Variants in KCNH8 observed in about 807,000 individuals in gnomAD.
The protein encoded by KCNH8 is voltage-gated delayed rectifier potassium channel KCNH8.
In KCNH8, 70 loss-of-function variants were observed where a neutral mutation model predicts 103.6. The ratio of observed to expected loss-of-function variants is 0.68; its 90% CI spans 0.56 to 0.82. The LOEUF (loss-of-function observed/expected upper bound fraction) is 0.82. Among genes scored for constraint, KCNH8 ranks in the 40% least tolerant of loss-of-function variants. The probability of loss-of-function intolerance (pLI) is 0.00; values close to 1 mark genes in which losing one functional copy is unlikely to be tolerated. For missense variants in KCNH8, 1,217 were observed against 1,329.9 expected (o/e 0.92, Z 1.32); for synonymous variants, 498 against 489.4 (o/e 1.02, Z -0.23).
intron 1 of KCNH8, among the ~76,000 whole-genome samples, chr3:19,180,246 CAA>C: frequency 1.3e-4 from 1 of 7,634 alleles, no homozygotes; most frequent in African/African-American, 3.8e-4. Flanking sequence ...TTCAAAGGGC[CAA>C]GACAGACTTG....
At chr3:19,363,899 G>T (rs1356735446) in intron 5 of KCNH8, among the ~76,000 whole-genome samples, 1 of 152,070 alleles carries the variant, frequency 6.6e-6, no homozygotes, top group African/African-American at 2.4e-5. Flanking sequence ...TAAAATTAAA[G>T]ATACTGACTT....
At chr3:19,385,556 A>G (rs753775437) in intron 5 of KCNH8, among the ~76,000 whole-genome samples, 4 of 152,088 alleles carry the variant, frequency 2.6e-5, no homozygotes, top group African/African-American at 7.2e-5. Flanking sequence ...TGCTCTTTCT[A>G]TTCCATTAAT....
At chr3:19,239,905 G>A (rs1278922661) in intron 1 of KCNH8, among the ~76,000 whole-genome samples, 1 of 152,104 alleles carries the variant, frequency 6.6e-6, no homozygotes, top group Admixed American at 6.5e-5. Context: ...AGGGAACGGA[G>A]CAGGGAAGCC....
intron 6 of KCNH8, 149 bp from the exon 7 acceptor site, chr3:19,394,955 A>G (rs2066492552): frequency 1.6e-6 from 1 of 636,444 alleles, no homozygotes; most frequent in Non-Finnish European, 2.8e-6. Flanking sequence ...ACTTTCTGAT[A>G]TAATATGTCA....
chr3:19,510,865 T>C (rs2125241090), intron 12 of KCNH8, among the ~76,000 whole-genome samples: 1 of 152,322 alleles, frequency 6.6e-6, no homozygotes, highest in East Asian at 1.9e-4. Flanking sequence ...TTGTTAAGAT[T>C]ATTAGCTGGA....
intron 11 of KCNH8, among the ~76,000 whole-genome samples, chr3:19,477,454 T>C (rs1440986041): frequency 2.6e-5 from 4 of 151,560 alleles, no homozygotes; most frequent in Non-Finnish European, 4.4e-5. Flanking sequence ...AATTTCTATG[T>C]GAGAATTCCG....
chr3:19,369,011 T>A (rs2066050750), intron 5 of KCNH8, among the ~76,000 whole-genome samples: 1 of 152,040 alleles, frequency 6.6e-6, no homozygotes, highest in African/African-American at 2.4e-5. Flanking sequence ...TACTATAGTA[T>A]AATTAAGAGC....
chr3:19,492,650 C>T (rs1010150756), intron 11 of KCNH8, among the ~76,000 whole-genome samples: 4 of 152,150 alleles, frequency 2.6e-5, no homozygotes, highest in African/African-American at 4.8e-5. Flanking sequence ...CTTAGAATTG[C>T]TTTTGCTGTT....
At chr3:19,176,228 C>A (rs1428882853) in intron 1 of KCNH8, among the ~76,000 whole-genome samples, 3 of 151,950 alleles carry the variant, frequency 2.0e-5, no homozygotes, top group African/African-American at 7.3e-5. Flanking sequence ...GAATAATTAC[C>A]TTGTTCAGCT....
intron 2 of KCNH8, among the ~76,000 whole-genome samples, chr3:19,275,237 A>G (rs941501847): frequency 6.6e-6 from 1 of 152,032 alleles, no homozygotes; most frequent in East Asian, 1.9e-4. Context: ...TTTTCAACTC[A>G]ATATAGTATG....
At chr3:19,405,989 A>C (rs1373749238) in intron 7 of KCNH8, among the ~76,000 whole-genome samples, 2 of 152,062 alleles carry the variant, frequency 1.3e-5, no homozygotes, top group Non-Finnish European at 2.9e-5. Context: ...GGTAAACAAA[A>C]CACACAAAAA....
intron 1 of KCNH8, among the ~76,000 whole-genome samples, chr3:19,214,013 G>C (rs34182590): frequency 0.039 from 5,905 of 152,210 alleles, 402 homozygotes; most frequent in African/African-American, 0.13. Flanking sequence ...CAGCACCTGG[G>C]CTTCTACCAC....
intron 5 of KCNH8, among the ~76,000 whole-genome samples, chr3:19,376,110 G>A (rs938606428): frequency 6.6e-6 from 1 of 152,240 alleles, no homozygotes; most frequent in African/African-American, 2.4e-5. Context: ...GCCTCCTTGA[G>A]CTGTGGTGGG....
intron 1 of KCNH8, among the ~76,000 whole-genome samples, chr3:19,166,332 C>A (rs1249047131): frequency 6.6e-6 from 1 of 151,978 alleles, no homozygotes; most frequent in Non-Finnish European, 1.5e-5. Context: ...CTGTGAGATA[C>A]ATAAAAATGT....
intron 3 of KCNH8, among the ~76,000 whole-genome samples, chr3:19,294,312 A>G (rs2064967728): frequency 6.6e-6 from 1 of 152,206 alleles, no homozygotes; most frequent in African/African-American, 2.4e-5. Context: ...GGTGATTGAT[A>G]TGTACTTCGA....
intron 7 of KCNH8, among the ~76,000 whole-genome samples, chr3:19,413,418 C>CT (rs1319285230): frequency 6.6e-6 from 1 of 151,966 alleles, no homozygotes; most frequent in Non-Finnish European, 1.5e-5. Flanking sequence ...AGTTGAAAAA[C>CT]TAACTGTTGG....
At chr3:19,359,060 CACTT>C (rs2065915714) in intron 5 of KCNH8, among the ~76,000 whole-genome samples, 1 of 151,784 alleles carries the variant, frequency 6.6e-6, no homozygotes, top group South Asian at 2.1e-4. Context: ...CAAATGTAAA[CACTT>C]AATGGGTAGT....
intron 1 of KCNH8, among the ~76,000 whole-genome samples, chr3:19,228,907 C>T (rs2063963336): frequency 6.6e-6 from 1 of 152,222 alleles, no homozygotes; most frequent in Non-Finnish European, 1.5e-5. Flanking sequence ...TCATTTTACT[C>T]TTCAAGACTC....
chr3:19,474,166 T>C (rs2067921122), intron 11 of KCNH8, among the ~76,000 whole-genome samples: 1 of 152,164 alleles, frequency 6.6e-6, no homozygotes, highest in South Asian at 2.1e-4. Flanking sequence ...ATTAAAACTG[T>C]CTACATGAGC....
Sources: gnomAD v4.1 joint callset for allele counts (sites outside exome capture counted in the v4.1 genomes callset) on GRCh38, gnomAD v4.1.1 for gene constraint, MANE v1.5 for transcripts, NCBI Gene and HGNC (gene_info 2026-07-23, HGNC 2026-07-21) for gene names.